FXR1: variants seen among roughly 807,000 people sequenced by gnomAD.
FXR1 encodes FMR1 autosomal homolog 1, also known as RNA-binding protein FXR1.
A neutral mutation model predicts 84.0 loss-of-function variants in FXR1; 15 were observed. That is an observed-to-expected ratio of 0.18 (90% CI 0.12 to 0.27). The LOEUF (loss-of-function observed/expected upper bound fraction) is 0.27. Ranked by LOEUF, FXR1 falls within the 10% of genes least tolerant of loss-of-function variation. The probability of loss-of-function intolerance (pLI) is 1.00; values close to 1 mark genes in which losing one functional copy is unlikely to be tolerated. For synonymous variants in FXR1, 245 were observed against 250.7 expected (o/e 0.98, Z 0.21); for missense variants, 480 against 774.4 (o/e 0.62, Z 4.51).
rs896646975 is a variant in FXR1 at position 180,915,412 on chromosome 3, A to T, written c.51+2676A>T. On this transcript the variant is annotated intron_variant, in intron 1 of 16. Transcript: ENST00000357559. ...GTTTTTCTTATTCAGAACGTTACGTATATAGAATCGTACACTATATTGTGT... is the reference window on the plus strand; with the variant it reads ...GTTTTTCTTATTCAGAACGTTACGTTTATAGAATCGTACACTATATTGTGT... The T allele has an allele frequency of 3.7e-6, 3 of 805,522 alleles. No individual in the cohort carries two copies. The African/African-American group carries it at 5.2e-5, about 14-fold the overall frequency. 49.9% of individuals were successfully genotyped at this position (805,522 alleles called of 1,614,324 possible).
At chr3:180,926,231 G>A (rs1404332056) in intron 1 of FXR1, among the ~76,000 whole-genome samples, 1 of 152,072 alleles carries the variant, frequency 6.6e-6, no homozygotes, top group Non-Finnish European at 1.5e-5. Context: ...AAGAAAAACA[G>A]TAGTCTTAAA....
intron 3 of FXR1, among the ~76,000 whole-genome samples, chr3:180,937,165 A>C (rs7617422): frequency 2.6e-5 from 4 of 152,200 alleles, no homozygotes; most frequent in Non-Finnish European, 5.9e-5. Flanking sequence ...TTTCTGATAC[A>C]GTGTTTTTTG....
intron 1 of FXR1, among the ~76,000 whole-genome samples, chr3:180,926,929 A>G (rs555400954): frequency 6.6e-6 from 1 of 152,218 alleles, no homozygotes; most frequent in South Asian, 2.1e-4. Flanking sequence ...TTTATTAGGA[A>G]TGTTCCTGAA....
intron 9 of FXR1, among the ~76,000 whole-genome samples, chr3:180,956,796 A>T (rs1268351763): frequency 2.6e-5 from 4 of 152,136 alleles, no homozygotes; most frequent in Admixed American, 1.3e-4. Context: ...AAAACCCATT[A>T]TAGTCCTTTT....
At chr3:180,951,127 G>A (rs1403261266) in intron 7 of FXR1, among the ~76,000 whole-genome samples, 171 bp from the exon 8 acceptor site, 2 of 151,872 alleles carry the variant, frequency 1.3e-5, no homozygotes, top group African/African-American at 4.8e-5. Context: ...GGAGGCTGAA[G>A]TGGGACGATT....
chr3:180,968,922 C>A (rs552189509), intron 14 of FXR1, among the ~76,000 whole-genome samples: 1 of 152,240 alleles, frequency 6.6e-6, no homozygotes, highest in East Asian at 1.9e-4. Flanking sequence ...GGGATAGATA[C>A]ATAGACTATA....
chr3:180,954,957 A>G (rs1160768437), intron 9 of FXR1, among the ~76,000 whole-genome samples: 2 of 146,820 alleles, frequency 1.4e-5, no homozygotes, highest in Non-Finnish European at 1.5e-5. Flanking sequence ...GTTTCTTGGA[A>G]TTTAACTGTT....
Position 180,951,280 on chromosome 3 carries a change from A to T in FXR1, c.631-18A>T. 6.6e-7 allele frequency: 1 copy of T among 1,505,922 alleles called. No individual in the cohort carries two copies. Among genetic ancestry groups the T allele is most frequent in the Non-Finnish European group, 9.1e-7 (1 of 1,093,030 alleles). 93.3% of individuals were successfully genotyped at this position (1,505,922 alleles called of 1,614,324 possible). ...TGTATTTTGATCTTTTATATTACTAATTTTCCTTTTTTATTAGTGCACAAA... is the reference window on the plus strand; with the variant it reads ...TGTATTTTGATCTTTTATATTACTATTTTTCCTTTTTTATTAGTGCACAAA... On this transcript the variant is annotated intron_variant, in intron 7 of 16. Transcript: ENST00000357559.
chr3:180,969,965 T>TA (rs569566303), intron 14 of FXR1, among the ~76,000 whole-genome samples, 193 bp from the exon 15 acceptor site: 14 of 152,322 alleles, frequency 9.2e-5, no homozygotes, highest in African/African-American at 2.4e-4. Context: ...CATCACCACT[T>TA]AAAGTTTTAT....
chr3:180,935,758 GAA>G (rs1321136589), intron 3 of FXR1, among the ~76,000 whole-genome samples: 1 of 152,150 alleles, frequency 6.6e-6, no homozygotes, highest in Non-Finnish European at 1.5e-5. Context: ...AGGAGGGAAA[GAA>G]AAATCACAGC....
intron 8 of FXR1, among the ~76,000 whole-genome samples, chr3:180,952,429 C>T (rs757893091): frequency 6.6e-6 from 1 of 152,094 alleles, no homozygotes; most frequent in Non-Finnish European, 1.5e-5. Flanking sequence ...CGGTGGCTCA[C>T]GTCTGTAACC....
At position 180,979,394 on chromosome 3, in the gene FXR1, T is replaced by G. The variant is rs1436514352; in HGVS notation, c.*3102T>G. 6.6e-6 allele frequency: 1 copy of G among 152,086 alleles called. No homozygotes were observed. Among genetic ancestry groups the G allele is most frequent in the Non-Finnish European group, 1.5e-5 (1 of 67,958 alleles). 9.4% of individuals were successfully genotyped at this position (152,086 alleles called of 1,614,324 possible). On this transcript the variant is annotated 3_prime_UTR_variant, in exon 17 of 17. Transcript: ENST00000357559. ...TTTCTTCTGTAAAGTTTCAAGGAAC[T>G]TGGATTTGAACTGTGAATCTACTGT... is the stretch of plus-strand genomic sequence containing the variant.
chr3:180,958,725 T>C (rs543397335), intron 10 of FXR1, among the ~76,000 whole-genome samples: 1 of 152,204 alleles, frequency 6.6e-6, no homozygotes, highest in East Asian at 1.9e-4. Flanking sequence ...AACTATTTTA[T>C]AGAATCTGAA....
chr3:180,931,739 GT>G (rs5854881), intron 1 of FXR1, among the ~76,000 whole-genome samples: 36,741 of 101,290 alleles, frequency 0.36, 4,410 homozygotes, highest in East Asian at 0.46. Flanking sequence ...GTTGTTGTGG[GT>G]TTTTTTTTTT....
intron 15 of FXR1, among the ~76,000 whole-genome samples, chr3:180,974,641 G>T (rs1311848308): frequency 1.3e-5 from 2 of 152,058 alleles, no homozygotes; most frequent in Non-Finnish European, 2.9e-5. Context: ...TTGGCAAAGG[G>T]GGTGTGGGAG....
intron 3 of FXR1, among the ~76,000 whole-genome samples, chr3:180,943,889 G>A (rs1190456155): frequency 6.6e-6 from 1 of 151,960 alleles, no homozygotes; most frequent in African/African-American, 2.4e-5. Context: ...ATAGTTACTC[G>A]AATGGGCACC....
rs1038601398 is a variant in FXR1 at position 180,941,955 on chromosome 3, ATGAT to A, written c.199-5904_199-5901del. ...TTTCACATGTTGAAAATGGGTCCTT[ATGAT>A]TGATTATTTAGTTTAATAGTAAATA... On this transcript the variant is annotated intron_variant, in intron 3 of 16. Transcript: ENST00000357559. 8.5e-4 allele frequency among the ~76,000 whole-genome samples: 129 copies of A among 152,316 alleles called. 1 individual carries two copies. Among genetic ancestry groups the A allele is most frequent in the South Asian group, 8.3e-4 (4 of 4,830 alleles).
rs1055883303 is a variant in FXR1, at chr3:180,977,664, G to A, written c.*1372G>A. ...TGAGGTCAAGTAATTGTTAGACATAGGGGAAGGCTTTGTTCCACAATATTA... is the reference window on the plus strand; with the variant it reads ...TGAGGTCAAGTAATTGTTAGACATAAGGGAAGGCTTTGTTCCACAATATTA... On this transcript the variant is annotated 3_prime_UTR_variant, in exon 17 of 17. Transcript: ENST00000357559. The A allele has an allele frequency of 6.6e-6, 1 of 152,108 alleles. No homozygotes were observed. The highest frequency in any genetic ancestry group is 6.5e-5 in the Admixed American group (1 of 15,268). The allele number at this position is 152,108 out of a possible 1,614,324, so 9.4% of individuals were successfully genotyped here. A position where few individuals can be genotyped will look rare whatever the true frequency, so the allele number is the denominator to read the frequency against.
Position 180,916,305 on chromosome 3 carries a change from A to G in FXR1, c.51+3569A>G, listed in dbSNP as rs906648455. ...CAGAAACCTCCGGCTCATTTGCATC[A>G]TTAAAGTGCTTTTTAACTGATGTAT... is the stretch of plus-strand genomic sequence containing the variant. On this transcript the variant is annotated intron_variant, in intron 1 of 16. Coordinates refer to ENST00000357559, the MANE Select transcript of FXR1 (RefSeq NM_005087.4). Among the ~76,000 whole-genome samples, 25 of 152,362 alleles carry G rather than the reference A, an allele frequency of 1.6e-4. 1 individual carries two copies. Among genetic ancestry groups the G allele is most frequent in the African/African-American group, 5.5e-4 (23 of 41,594 alleles).
Sources: gnomAD v4.1 joint callset for allele counts (sites outside exome capture counted in the v4.1 genomes callset) on GRCh38, gnomAD v4.1.1 for gene constraint, MANE v1.5 for transcripts, NCBI Gene and HGNC (gene_info 2026-07-23, HGNC 2026-07-21) for gene names.